Variants in TMEM43 observed in about 807,000 individuals in gnomAD.
TMEM43 encodes the protein transmembrane protein 43, also known as arrhythmogenic right ventricular dysplasia 5.
A neutral mutation model predicts 49.6 loss-of-function variants in TMEM43; 45 were observed. The ratio of observed to expected loss-of-function variants is 0.91; its 90% CI spans 0.71 to 1.16. The LOEUF (loss-of-function observed/expected upper bound fraction) is 1.16, where lower values mean the gene tolerates loss of function less well. Among genes scored for constraint, TMEM43 ranks in the 50% most tolerant of loss-of-function variants. The pLI, the probability that TMEM43 is intolerant of heterozygous loss-of-function variation, is 0.00. For missense variants in TMEM43, 532 were observed against 516.6 expected (o/e 1.03, Z -0.29); for synonymous variants, 199 against 207.8 (o/e 0.96, Z 0.36).
At position 14,141,780 on chromosome 3, in the gene TMEM43, C is replaced by T. The variant is rs2124997491; in HGVS notation, c.1188C>T (p.Ala396=). ...PILVARTRVP[A]KKLE ...TTGTTGCTCGGACACGGGTGCCAGC[C>T]AAAAAGTTGGAGTGAAAAGACCCTG... Residue 396 remains alanine, a synonymous_variant, in exon 12 of 12, where the codon GCC becomes GCT. Transcript: ENST00000306077. 6.2e-7 allele frequency: 1 copy of T among 1,613,548 alleles called. No homozygotes were observed. The highest frequency in any genetic ancestry group is 1.3e-5 in the African/African-American group (1 of 75,032).
chr3:14,130,620 G>GGAA (rs1394745741), intron 2 of TMEM43, among the ~76,000 whole-genome samples: 1 of 152,182 alleles, frequency 6.6e-6, no homozygotes, highest in East Asian at 1.9e-4. Context: ...TGGGGCAGTA[G>GGAA]GAAGAAGTCT....
intron 9 of TMEM43, 80 bp from the exon 10 acceptor site, chr3:14,135,727 C>G: frequency 7.9e-7 from 1 of 1,260,330 alleles, no homozygotes; most frequent in Non-Finnish European, 1.1e-6. Context: ...GCACCCAGTC[C>G]CGGGAGGGTG....
chr3:14,139,395 C>A (rs1238066932), intron 11 of TMEM43, 98 bp downstream of exon 11: 1 of 883,490 alleles, frequency 1.1e-6, no homozygotes. Context: ...GATGGGATGG[C>A]CCTTGTGCAG....
In TMEM43 at chr3:14,141,703, T is replaced by C. The variant is rs116911972; in HGVS notation, c.1111T>C (p.Tyr371His). ...LLTVAAGWLFYRPLWALLIAG... is the reference protein window; with the variant it reads ...LLTVAAGWLFHRPLWALLIAG... The stretch of plus-strand genomic sequence containing the variant: ...GACCGTGGCGGCTGGCTGGCTCTTC[T>C]ACCGACCCCTGTGGGCCCTCCTCAT... The change falls in exon 12 of 12, where the codon TAC becomes CAC. Residue 371 changes from tyrosine (Y) to histidine (H), a missense_variant. By Grantham distance (83) the Tyr-to-His change is moderately conservative (BLOSUM62 2). Transcript: ENST00000306077. 696 of 1,614,162 alleles carry C rather than the reference T, an allele frequency of 4.3e-4. 11 individuals are homozygous for C. In the East Asian group the frequency reaches 0.014, roughly 33 times the overall value.
At chr3:14,125,392 G>A (rs1695004852) in intron 1 of TMEM43, among the ~76,000 whole-genome samples, 187 bp downstream of exon 1, 1 of 152,230 alleles carries the variant, frequency 6.6e-6, no homozygotes, top group Admixed American at 6.5e-5. Context: ...GGCCTGTCCA[G>A]GCTTCTTTTG....
rs144732222 is a variant in TMEM43, at chr3:14,127,758, C to T, written c.13-1654C>T. ...TTCCAAATGGCATGGAAAGTCAAGACGACTTCTGGATTCATGGACATCTGG... is the reference window on the plus strand; with the variant it reads ...TTCCAAATGGCATGGAAAGTCAAGATGACTTCTGGATTCATGGACATCTGG... On this transcript the variant is annotated intron_variant, in intron 1 of 11. Coordinates refer to ENST00000306077, the MANE Select transcript of TMEM43 (RefSeq NM_024334.3). 4.0e-4 allele frequency among the ~76,000 whole-genome samples: 61 copies of T among 152,262 alleles called. No individual in the cohort carries two copies. In the East Asian group the frequency reaches 8.5e-3, roughly 21 times the overall value.
At chr3:14,125,318 G>GC in intron 1 of TMEM43, 113 bp downstream of exon 1, 1 of 1,302,564 alleles carries the variant, frequency 7.7e-7, no homozygotes, top group Non-Finnish European at 1.1e-6. Flanking sequence ...GTGCGGCTAG[G>GC]CCCGCATCTC....
At chr3:14,138,872 A>G (rs544836968) in intron 10 of TMEM43, among the ~76,000 whole-genome samples, 2 of 152,282 alleles carry the variant, frequency 1.3e-5, no homozygotes, top group African/African-American at 2.4e-5. Context: ...ACATCCTCCA[A>G]CCTGCTCAGG....
intron 1 of TMEM43, among the ~76,000 whole-genome samples, chr3:14,126,293 G>T (rs534796855): frequency 6.6e-6 from 1 of 152,150 alleles, no homozygotes; most frequent in Admixed American, 6.5e-5. Flanking sequence ...ACTCAGGCTC[G>T]GCCAGGCGAG....
At chr3:14,125,770 T>G (rs1017320244) in intron 1 of TMEM43, among the ~76,000 whole-genome samples, 3 of 152,084 alleles carry the variant, frequency 2.0e-5, no homozygotes, top group African/African-American at 7.2e-5. Context: ...AGAGGGAGCA[T>G]TTCTCTACTG....
intron 9 of TMEM43, among the ~76,000 whole-genome samples, chr3:14,135,465 G>A (rs903241126): frequency 4.6e-5 from 7 of 152,138 alleles, no homozygotes; most frequent in East Asian, 1.9e-4. Flanking sequence ...TCTCATAGTC[G>A]CACCTTATGA....
chr3:14,140,511 G>A (rs1405429378), intron 11 of TMEM43, among the ~76,000 whole-genome samples: 2 of 152,184 alleles, frequency 1.3e-5, no homozygotes, highest in East Asian at 1.9e-4. Flanking sequence ...ACCAACGTGT[G>A]TAAGACTCCA....
intron 1 of TMEM43, among the ~76,000 whole-genome samples, chr3:14,128,485 G>A (rs986731844): frequency 2.6e-5 from 4 of 152,126 alleles, no homozygotes; most frequent in Admixed American, 2.6e-4. Context: ...ACTCAAGGGA[G>A]CCTCCTTGAT....
rs188888379 is a variant in TMEM43, at chr3:14,136,975, C to T, written c.882+1067C>T. Among the ~76,000 whole-genome samples, 413 of 149,754 alleles carry T rather than the reference C, an allele frequency of 2.8e-3. 7 individuals are homozygous for T. The highest frequency in any genetic ancestry group is 4.2e-3 in the Non-Finnish European group (284 of 68,008). ...TCTGTTGTTGATGAACACAGGTATC[C>T]CTGGTGGGGCACTCTATACCTGCCC... is the stretch of plus-strand genomic sequence containing the variant. On this transcript the variant is annotated intron_variant, in intron 10 of 11. Coordinates refer to ENST00000306077, the MANE Select transcript of TMEM43 (RefSeq NM_024334.3).
chr3:14,131,672 C>T lies in TMEM43; in HGVS notation c.390C>T (p.Ser130=). 1 of 1,612,858 alleles carries T rather than the reference C, an allele frequency of 6.2e-7. No homozygotes were observed. Among genetic ancestry groups the T allele is most frequent in the Non-Finnish European group, 8.5e-7 (1 of 1,178,960 alleles). The change falls in exon 4 of 12, where the codon TCC becomes TCT. Residue 130 remains serine, a splice_region_variant and synonymous_variant. Transcript: ENST00000306077. ...ACCAATGGGTAGAAACTGAGGAGTC[C>T]AGGTGAGCTGTTGGGGTGAAAACTC... ...EMYQWVETEE[S]REYTEDGQVK... is the part of the protein sequence containing the mutation.
intron 2 of TMEM43, 116 bp downstream of exon 2, chr3:14,129,677 A>G (rs1695067338): frequency 1.8e-6 from 2 of 1,139,540 alleles, no homozygotes; most frequent in East Asian, 2.5e-5. Flanking sequence ...TAAAAAGAGA[A>G]AGGAGGATAC....
chr3:14,132,719 C>T, intron 5 of TMEM43, 124 bp downstream of exon 5: 1 of 1,389,572 alleles, frequency 7.2e-7, no homozygotes, highest in African/African-American at 1.4e-5. Flanking sequence ...TCCCTGGGTG[C>T]AAGTCTTCAG....
At position 14,140,352 on chromosome 3, in the gene TMEM43, G is replaced by A. The variant is rs1419081632; in HGVS notation, c.1000+1055G>A. ...GTCTGTCTCAGTGGGCCCTTCTTTG[G>A]ATCTCTGATGTCTGTGATCCCAATT... On this transcript the variant is annotated intron_variant, in intron 11 of 11. Transcript: ENST00000306077. Among the ~76,000 whole-genome samples, 3 of 152,188 alleles carry A rather than the reference G, an allele frequency of 2.0e-5. No homozygotes were observed. In the South Asian group the frequency reaches 6.2e-4, roughly 32 times the overall value.
At position 14,125,165 on chromosome 3, in the gene TMEM43, G is replaced by A. The variant is rs1405282565; in HGVS notation, c.-29G>A. On this transcript the variant is annotated 5_prime_UTR_variant, in exon 1 of 12. Coordinates refer to ENST00000306077, the MANE Select transcript of TMEM43 (RefSeq NM_024334.3). ...AGCCCACTTCCTAGCTGAACAGCGC[G>A]AGGCGGCGGCAGCGAGCCGGGTCCC... The A allele has an allele frequency of 2.5e-6, 4 of 1,609,126 alleles. No individual in the cohort carries two copies. Among genetic ancestry groups the A allele is most frequent in the Non-Finnish European group, 3.4e-6 (4 of 1,179,064 alleles).
Sources: allele counts gnomAD v4.1 joint callset (sites outside exome capture counted in the v4.1 genomes callset), GRCh38; gene constraint gnomAD v4.1.1; transcripts MANE v1.5; gene names NCBI Gene and HGNC (gene_info 2026-07-23, HGNC 2026-07-21).